Variants in ATP8B1 observed in about 807,000 individuals in gnomAD.
ATP8B1 encodes ATPase phospholipid transporting 8B1.
ATP8B1 carries 80 observed loss-of-function variants against 149.9 expected under a neutral mutation model. The ratio of observed to expected loss-of-function variants is 0.53; its 90% confidence interval spans 0.45 to 0.64. The LOEUF is 0.64. ATP8B1 is among the 30% of genes least tolerant of loss of function. ATP8B1 has a pLI of 0.00. For missense variants in ATP8B1, 1,247 were observed against 1,552.6 expected (o/e 0.80, Z 3.31); for synonymous variants, 536 against 562.8 (o/e 0.95, Z 0.67).
At chr18:57,721,667 T>G (rs1166486385) in intron 2 of ATP8B1, among the ~76,000 whole-genome samples, 1 of 140,582 alleles carries the variant, frequency 7.1e-6, no homozygotes, top group Non-Finnish European at 1.5e-5. Context: ...AACACCCCAC[T>G]GTCAACATTA....
intron 2 of ATP8B1, among the ~76,000 whole-genome samples, chr18:57,713,188 T>TTCCTTCCTTCCTTCC (rs1913783660): frequency 1.9e-5 from 2 of 103,802 alleles, no homozygotes; most frequent in Admixed American, 1.0e-4. Flanking sequence ...TCTTTCTTTC[T>TTCCTTCCTTCCTTCC]TTCTTTCTTT....
chr18:57,656,376 T>C (rs1188172689), intron 22 of ATP8B1, among the ~76,000 whole-genome samples: 1 of 145,170 alleles, frequency 6.9e-6, no homozygotes, highest in African/African-American at 2.5e-5. Context: ...TAGTTATATT[T>C]CTTTCTCTCT....
chr18:57,656,164 TAG>T (rs1909980506), intron 22 of ATP8B1, among the ~76,000 whole-genome samples: 1 of 152,102 alleles, frequency 6.6e-6, no homozygotes, highest in Non-Finnish European at 1.5e-5. Flanking sequence ...CCTGCTTCTG[TAG>T]ACCATCCAGA....
rs56119246 is a variant in ATP8B1 at position 57,674,587 on chromosome 18, C to A, written c.1819+247G>T. Among the ~76,000 whole-genome samples the A allele has an allele frequency of 0.057, 8,629 of 151,692 alleles. 395 individuals are homozygous for A. The highest frequency in any genetic ancestry group is 0.19 in the East Asian group (988 of 5,094). Reference sequence around the variant, plus strand: ...ATTTTTAGTAGAGACGGGGTTTCACCGTGTTAGCCAGGATGGTCTCGATCT... The same window carrying A: ...ATTTTTAGTAGAGACGGGGTTTCACAGTGTTAGCCAGGATGGTCTCGATCT... On this transcript the variant is annotated intron_variant, in intron 16 of 27. Transcript: ENST00000648908.
chr18:57,756,293 G>GTATATATATATATACACATA (rs755702972), intron 1 of ATP8B1, among the ~76,000 whole-genome samples: 1 of 87,120 alleles, frequency 1.1e-5, no homozygotes, highest in Non-Finnish European at 2.4e-5. Flanking sequence ...ATATATGTGT[G>GTATATATATATATACACATA]TGTGTATGTA....
chr18:57,685,062 A>G lies in ATP8B1; in HGVS notation c.1473+10T>C, dbSNP rs1192301195. ...GCATCCCAAACGATTCTTCGGCTTA[A>G]AGGTCTTACCTCTATTTTGTTGTGG... On this transcript the variant is annotated intron_variant, in intron 14 of 27. Transcript: ENST00000648908. The G allele has an allele frequency of 1.1e-5, 18 of 1,613,938 alleles. No individual in the cohort carries two copies. Among genetic ancestry groups the G allele is most frequent in the Non-Finnish European group, 1.5e-5 (18 of 1,179,930 alleles).
chr18:57,738,876 G>T (rs2079884598), intron 1 of ATP8B1, among the ~76,000 whole-genome samples: 1 of 152,070 alleles, frequency 6.6e-6, no homozygotes, highest in Non-Finnish European at 1.5e-5. Context: ...GGCCCCCGAA[G>T]TCATATGTTG....
At chr18:57,680,150 G>C (rs1186676406) in intron 15 of ATP8B1, among the ~76,000 whole-genome samples, 2 of 151,190 alleles carry the variant, frequency 1.3e-5, no homozygotes, top group African/African-American at 4.9e-5. Flanking sequence ...TGGTGTGGGC[G>C]CCTGTAATCC....
intron 2 of ATP8B1, among the ~76,000 whole-genome samples, chr18:57,708,114 T>C (rs572958149): frequency 2.6e-4 from 35 of 134,600 alleles, no homozygotes; most frequent in African/African-American, 9.7e-4. Context: ...GCCGAGATAG[T>C]GCCACTGCAC....
rs778273036 is a variant in ATP8B1, at chr18:57,652,200, C to T, written c.3262-28G>A. 6 of 1,613,462 alleles carry T rather than the reference C, an allele frequency of 3.7e-6. No homozygotes were observed. The East Asian group carries it at 8.9e-5, about 24-fold the overall frequency. The stretch of plus-strand genomic sequence containing the variant: ...GTTGGGAAACCAGAGAAAAACAGAG[C>T]ACTCATTTTGGGGAGTTAGCAAGAA... On this transcript the variant is annotated intron_variant, in intron 25 of 27. Coordinates refer to ENST00000648908, the MANE Select transcript of ATP8B1 (RefSeq NM_001374385.1).
In ATP8B1 at chr18:57,653,987, C is replaced by G; in HGVS notation, c.3015+5G>C. On this transcript the variant is annotated splice_donor_5th_base_variant and intron_variant, in intron 24 of 27. Coordinates refer to ENST00000648908, the MANE Select transcript of ATP8B1 (RefSeq NM_001374385.1). Reference sequence around the variant, plus strand: ...GAAGTGTCCCTGCTTGTGCGAGGCTCCTACCTGGTCGAGCAGCCCCATGAG... The same window carrying G: ...GAAGTGTCCCTGCTTGTGCGAGGCTGCTACCTGGTCGAGCAGCCCCATGAG... The G allele has an allele frequency of 6.2e-7, 1 of 1,612,128 alleles. No individual in the cohort carries two copies. The highest frequency in any genetic ancestry group is 8.5e-7 in the Non-Finnish European group (1 of 1,178,244).
At chr18:57,663,144 A>C (rs1910595137) in intron 20 of ATP8B1, among the ~76,000 whole-genome samples, 1 of 152,194 alleles carries the variant, frequency 6.6e-6, no homozygotes, top group African/African-American at 2.4e-5. Flanking sequence ...GTTTGAATGA[A>C]TTTGAGCACT....
rs992126740 is a variant in ATP8B1 at position 57,784,539 on chromosome 18, A to C, written c.-26+18459T>G. ...AAAGCAGGGTGCAGTCTGGAAGAGAAAGGGGTCAGAGATCAAGTCCAGGCT... is the reference window on the plus strand; with the variant it reads ...AAAGCAGGGTGCAGTCTGGAAGAGACAGGGGTCAGAGATCAAGTCCAGGCT... On this transcript the variant is annotated intron_variant, in intron 1 of 27. Coordinates refer to ENST00000648908, the MANE Select transcript of ATP8B1 (RefSeq NM_001374385.1). This position sits in a 1 kb window ranked among gnomAD's most constrained non-coding sequence, Gnocchi z 4.4. Among the ~76,000 whole-genome samples, 6 of 152,178 alleles carry C rather than the reference A, an allele frequency of 3.9e-5. No homozygotes were observed. The highest frequency in any genetic ancestry group is 8.8e-5 in the Non-Finnish European group (6 of 68,030).
intron 2 of ATP8B1, among the ~76,000 whole-genome samples, chr18:57,726,774 A>G (rs2123106307): frequency 6.6e-6 from 1 of 152,304 alleles, no homozygotes; most frequent in South Asian, 2.1e-4. Context: ...CATGTTGCCC[A>G]AGATCTTAAA....
intron 1 of ATP8B1, among the ~76,000 whole-genome samples, chr18:57,769,777 AC>A (rs1443296892): frequency 2.6e-5 from 4 of 152,358 alleles, no homozygotes; most frequent in South Asian, 2.1e-4. Flanking sequence ...TGATCGAAGA[AC>A]TTTTATTTGT....
intron 2 of ATP8B1, among the ~76,000 whole-genome samples, chr18:57,715,645 C>A (rs964464011): frequency 6.6e-6 from 1 of 152,124 alleles, no homozygotes; most frequent in African/African-American, 2.4e-5. Flanking sequence ...AAATAAAATA[C>A]AATGGCACTC....
intron 15 of ATP8B1, among the ~76,000 whole-genome samples, chr18:57,683,725 T>C (rs539640749): frequency 1.5e-4 from 23 of 152,234 alleles, no homozygotes; most frequent in Non-Finnish European, 3.2e-4. Context: ...ATAAATGTGC[T>C]AAGAAAAGTT....
intron 1 of ATP8B1, among the ~76,000 whole-genome samples, chr18:57,795,636 A>T (rs1368648426): frequency 2.0e-5 from 3 of 152,226 alleles, no homozygotes; most frequent in Admixed American, 2.0e-4. Context: ...GATTCCACTT[A>T]ACCTGAGGTA....
At chr18:57,672,886 GTATATATATATA>G (rs1198919117) in intron 16 of ATP8B1, among the ~76,000 whole-genome samples, 5 of 14,072 alleles carry the variant, frequency 3.6e-4, no homozygotes, top group South Asian at 3.8e-3. Context: ...AAAAAAAAAA[GTATATATATATA>G]TATATATATA....
Sources: allele counts gnomAD v4.1 joint callset (sites outside exome capture counted in the v4.1 genomes callset), GRCh38; gene constraint gnomAD v4.1.1; non-coding constraint Gnocchi (gnomAD v3.1); transcripts MANE v1.5; gene names NCBI Gene and HGNC (gene_info 2026-07-23, HGNC 2026-07-21).